The following PAX5 variants were observed in gnomAD, a reference collection of about 807,000 sequenced individuals.
PAX5 encodes paired box protein Pax-5.
Under a neutral mutation model 43.7 loss-of-function variants are expected in PAX5, and 9 were observed. The ratio of observed to expected loss-of-function variants is 0.21; its 90% CI spans 0.12 to 0.36. The LOEUF is 0.36. Ranked by LOEUF, PAX5 falls within the 10% of genes least tolerant of loss-of-function variation. PAX5 has a pLI of 1.00. For missense variants in PAX5, 383 were observed against 532.7 expected (o/e 0.72, Z 2.77); for synonymous variants, 228 against 214.3 (o/e 1.06, Z -0.56).
intron 6 of PAX5, among the ~76,000 whole-genome samples, chr9:36,924,717 C>T (rs545903573): frequency 2.4e-3 from 64 of 26,576 alleles, no homozygotes; most frequent in African/African-American, 6.7e-3. Context: ...AAGACTCTGT[C>T]AAAAAAAAGA....
At chr9:36,924,578 G>C (rs1009501699) in intron 6 of PAX5, among the ~76,000 whole-genome samples, 5 of 151,646 alleles carry the variant, frequency 3.3e-5, no homozygotes, top group African/African-American at 1.2e-4. Flanking sequence ...AAATTAGCCA[G>C]GTGTGGTAGC....
At chr9:36,953,139 T>A (rs1287839359) in intron 6 of PAX5, among the ~76,000 whole-genome samples, 3 of 152,228 alleles carry the variant, frequency 2.0e-5, no homozygotes, top group Non-Finnish European at 4.4e-5. Context: ...GTGAACTTTT[T>A]CTTTCAACAC....
At chr9:36,964,607 A>G (rs1834264391) in intron 6 of PAX5, among the ~76,000 whole-genome samples, 1 of 152,026 alleles carries the variant, frequency 6.6e-6, no homozygotes, top group Admixed American at 6.5e-5. Flanking sequence ...AAAAAAAAAA[A>G]AAAAGAAGAT....
At chr9:36,961,930 C>T (rs1361620549) in intron 6 of PAX5, among the ~76,000 whole-genome samples, 1 of 152,194 alleles carries the variant, frequency 6.6e-6, no homozygotes, top group African/African-American at 2.4e-5. Flanking sequence ...ATTGCTTTTT[C>T]AATAACCGTT....
At chr9:36,905,451 G>A (rs2131877238) in intron 7 of PAX5, among the ~76,000 whole-genome samples, 1 of 152,358 alleles carries the variant, frequency 6.6e-6, no homozygotes, top group East Asian at 1.9e-4. Flanking sequence ...TTATGGCAGA[G>A]CTGGGATGAA....
intron 5 of PAX5, among the ~76,000 whole-genome samples, chr9:36,980,845 G>A (rs1835848926): frequency 6.6e-6 from 1 of 152,072 alleles, no homozygotes; most frequent in African/African-American, 2.4e-5. Flanking sequence ...TTCCCTGTTG[G>A]AGGTTCTAGG....
chr9:37,025,883 C>T (rs1840303043), intron 1 of PAX5, among the ~76,000 whole-genome samples: 1 of 152,290 alleles, frequency 6.6e-6, no homozygotes, highest in South Asian at 2.1e-4. Flanking sequence ...TGAGAAAAGG[C>T]GTCCTGCAGA....
intron 3 of PAX5, among the ~76,000 whole-genome samples, chr9:37,010,196 G>A (rs1838806366): frequency 1.3e-5 from 2 of 152,186 alleles, no homozygotes; most frequent in Admixed American, 1.3e-4. Context: ...AGGGACAGTT[G>A]GGCTGAGTTG....
At chr9:36,936,954 A>C (rs574586505) in intron 6 of PAX5, among the ~76,000 whole-genome samples, 25 of 152,312 alleles carry the variant, frequency 1.6e-4, no homozygotes, top group Middle Eastern at 3.4e-3. Context: ...CTGCAAAGGC[A>C]TACCCAGCCA....
chr9:37,015,467 C>T lies in PAX5; in HGVS notation c.213-273G>A, dbSNP rs1196230315. Among the ~76,000 whole-genome samples the T allele has an allele frequency of 1.3e-5, 2 of 152,076 alleles. No individual in the cohort carries two copies. Among genetic ancestry groups the T allele is most frequent in the Non-Finnish European group, 2.9e-5 (2 of 67,984 alleles). On this transcript the variant is annotated intron_variant, in intron 2 of 9. Transcript: ENST00000358127. This position sits in a 1 kb window ranked among gnomAD's most constrained non-coding sequence, Gnocchi z 4.4. ...TGATATTAGTTGTATGTTGAAATAA[C>T]AATTTTTATATATTGAGTTAAAATA...
intron 6 of PAX5, among the ~76,000 whole-genome samples, chr9:36,945,548 G>A (rs140520597): frequency 2.3e-4 from 35 of 152,346 alleles, no homozygotes; most frequent in African/African-American, 8.4e-4. Flanking sequence ...TACCTTCCAA[G>A]ATGACATCTA....
At chr9:36,949,913 G>A (rs1432341026) in intron 6 of PAX5, among the ~76,000 whole-genome samples, 4 of 149,458 alleles carry the variant, frequency 2.7e-5, no homozygotes, top group South Asian at 2.1e-4. Context: ...CCCGTTCCTC[G>A]GGACCTCCCA....
In PAX5 at chr9:37,014,887, G is replaced by T. The variant is rs1484984077; in HGVS notation, c.410+110C>A. On this transcript the variant is annotated intron_variant, in intron 3 of 9. Coordinates refer to ENST00000358127, the MANE Select transcript of PAX5 (RefSeq NM_016734.3). ...TCCCTCCTGTTCAGTAACCCCTAAGGGGCCTTGGTGAAAAAAGAGACCAGA... is the reference window on the plus strand; with the variant it reads ...TCCCTCCTGTTCAGTAACCCCTAAGTGGCCTTGGTGAAAAAAGAGACCAGA... 4 of 984,534 alleles carry T rather than the reference G, an allele frequency of 4.1e-6. No homozygotes were observed. In the African/African-American group the frequency reaches 6.5e-5, roughly 16 times the overall value. The allele number at this position is 984,534 out of a possible 1,614,324, so 61.0% of individuals were successfully genotyped here. A position where few individuals can be genotyped will look rare whatever the true frequency, so the allele number is the denominator to read the frequency against.
At chr9:37,029,536 C>T (rs904210752) in intron 1 of PAX5, among the ~76,000 whole-genome samples, 16 of 152,234 alleles carry the variant, frequency 1.1e-4, no homozygotes, top group African/African-American at 3.9e-4. Flanking sequence ...TCACCCCCGG[C>T]CTTGGAGCAG....
intron 5 of PAX5, among the ~76,000 whole-genome samples, chr9:36,985,574 G>A (rs1453558143): frequency 6.6e-6 from 1 of 152,230 alleles, no homozygotes; most frequent in Non-Finnish European, 1.5e-5. Context: ...TCCGAAGGGG[G>A]AGGCAGGAGA....
chr9:37,030,203 C>A (rs1271822247), intron 1 of PAX5, among the ~76,000 whole-genome samples: 3 of 152,216 alleles, frequency 2.0e-5, no homozygotes, highest in Non-Finnish European at 2.9e-5. Context: ...CCGCAACTCT[C>A]GGCGTTCTTG....
chr9:36,847,120 G>T (rs1450203062), intron 8 of PAX5, among the ~76,000 whole-genome samples, 191 bp from the exon 9 acceptor site: 1 of 152,172 alleles, frequency 6.6e-6, no homozygotes, highest in African/African-American at 2.4e-5. Context: ...GGCATTGTCT[G>T]TATTTCCCCT....
chr9:36,947,754 C>T (rs76345183), intron 6 of PAX5, among the ~76,000 whole-genome samples: 2 of 151,746 alleles, frequency 1.3e-5, no homozygotes, highest in South Asian at 2.1e-4. Context: ...AAAACCATCA[C>T]CCCCACCCCC....
chr9:36,971,895 A>G (rs980203599), intron 5 of PAX5, among the ~76,000 whole-genome samples: 4 of 152,258 alleles, frequency 2.6e-5, no homozygotes, highest in African/African-American at 9.6e-5. Flanking sequence ...CCATCTGTCA[A>G]GAGAAAGCTG....
Sources: gnomAD v4.1 joint callset for allele counts (sites outside exome capture counted in the v4.1 genomes callset) on GRCh38, gnomAD v4.1.1 for gene constraint, Gnocchi (gnomAD v3.1) non-coding constraint, MANE v1.5 for transcripts, NCBI Gene and HGNC (gene_info 2026-07-23, HGNC 2026-07-21) for gene names.